Variants in ATP8A2 observed in about 807,000 individuals in gnomAD.
ATP8A2 encodes phospholipid-transporting ATPase IB.
In ATP8A2, 100 loss-of-function variants were observed where a neutral mutation model predicts 165.6. The observed-to-expected ratio is 0.60, with a 90% CI of 0.51 to 0.71. The LOEUF (loss-of-function observed/expected upper bound fraction) is 0.71. Among genes scored for constraint, ATP8A2 ranks in the 30% least tolerant of loss-of-function variants. The pLI, the probability that ATP8A2 is intolerant of heterozygous loss-of-function variation, is 0.00. For missense variants in ATP8A2, 1,227 were observed against 1,479.5 expected (o/e 0.83, Z 2.80); for synonymous variants, 543 against 548.8 (o/e 0.99, Z 0.15).
intron 1 of ATP8A2, among the ~76,000 whole-genome samples, chr13:25,407,365 G>GT (rs1198987991): frequency 6.6e-6 from 1 of 152,084 alleles, no homozygotes; most frequent in African/African-American, 2.4e-5. Flanking sequence ...TTCCTCACTA[G>GT]TAAAAGTTAA....
At chr13:25,382,534 A>AT (rs1196271967) in intron 1 of ATP8A2, among the ~76,000 whole-genome samples, 2 of 152,106 alleles carry the variant, frequency 1.3e-5, no homozygotes, top group African/African-American at 4.8e-5. Context: ...TGGCTGTACC[A>AT]TTTTGCATCC....
intron 11 of ATP8A2, 46 bp from the exon 12 acceptor site, chr13:25,553,747 A>G (rs986474079): frequency 6.3e-7 from 1 of 1,578,886 alleles, no homozygotes; most frequent in East Asian, 2.2e-5. Context: ...GAGCCAATAG[A>G]CTTTGGTTGT....
intron 15 of ATP8A2, 61 bp from the exon 16 acceptor site, chr13:25,563,895 G>T: frequency 8.3e-7 from 1 of 1,199,856 alleles, no homozygotes; most frequent in Non-Finnish European, 1.2e-6. Flanking sequence ...TTCTTTCCAG[G>T]TTTGGGTTAG....
chr13:25,444,619 A>G (rs1566137768), intron 1 of ATP8A2, among the ~76,000 whole-genome samples: 1 of 151,908 alleles, frequency 6.6e-6, no homozygotes, highest in Non-Finnish European at 1.5e-5. Flanking sequence ...CTAATGAGTA[A>G]TGATATCAAG....
intron 24 of ATP8A2, among the ~76,000 whole-genome samples, chr13:25,676,437 C>T (rs2042373812): frequency 6.6e-6 from 1 of 152,108 alleles, no homozygotes; most frequent in Admixed American, 6.5e-5. Context: ...CAGGTCATCT[C>T]AGGGGTCTGC....
At chr13:25,721,549 T>C (rs888407345) in intron 25 of ATP8A2, among the ~76,000 whole-genome samples, 7 of 152,234 alleles carry the variant, frequency 4.6e-5, no homozygotes, top group African/African-American at 1.7e-4. Context: ...CCCGAGTATG[T>C]ACAGCTGTTA....
intron 33 of ATP8A2, among the ~76,000 whole-genome samples, chr13:25,907,799 CT>C: frequency 6.6e-6 from 1 of 152,286 alleles, no homozygotes; most frequent in East Asian, 1.9e-4. Context: ...AGGCTAGGCC[CT>C]TGTGCTTTTA....
chr13:25,406,345 GT>G (rs941578143), intron 1 of ATP8A2, among the ~76,000 whole-genome samples: 19 of 152,192 alleles, frequency 1.2e-4, no homozygotes, highest in African/African-American at 4.6e-4. Flanking sequence ...ATAACATAAG[GT>G]TGCTTTGACC....
chr13:25,581,815 G>A lies in ATP8A2; in HGVS notation c.2008-4G>A. ...CTTTAACTGAGGATATTTTTTCAAT[G>A]TAGAATTTGCTGCTACTTGGAGCCA... On this transcript the variant is annotated splice_region_variant and splice_polypyrimidine_tract_variant and intron_variant, in intron 22 of 36. Coordinates refer to ENST00000381655, the MANE Select transcript of ATP8A2 (RefSeq NM_016529.6). 1 of 1,612,892 alleles carries A rather than the reference G, an allele frequency of 6.2e-7. No homozygotes were observed. Among genetic ancestry groups the A allele is most frequent in the South Asian group, 1.1e-5 (1 of 90,790 alleles).
In ATP8A2 at chr13:25,743,982, A is replaced by C. The variant is rs569474235; in HGVS notation, c.2385-25064A>C. On this transcript the variant is annotated intron_variant, in intron 25 of 36. Coordinates refer to ENST00000381655, the MANE Select transcript of ATP8A2 (RefSeq NM_016529.6). ...GTCAGTTAATCCTATGACTACATCTACTACTTATGAAAGAAGTATGTACTG... is the reference window on the plus strand; with the variant it reads ...GTCAGTTAATCCTATGACTACATCTCCTACTTATGAAAGAAGTATGTACTG... Among the ~76,000 whole-genome samples the C allele has an allele frequency of 2.0e-5, 3 of 152,340 alleles. No homozygotes were observed. In the South Asian group the frequency reaches 6.2e-4, roughly 32 times the overall value.
At chr13:25,733,997 A>G (rs552116488) in intron 25 of ATP8A2, among the ~76,000 whole-genome samples, 28 of 152,266 alleles carry the variant, frequency 1.8e-4, no homozygotes, top group Non-Finnish European at 2.1e-4. Flanking sequence ...CTTTTGTAAA[A>G]ATGACCTTTT....
chr13:25,775,001 T>C, intron 27 of ATP8A2, 42 bp downstream of exon 27: 5 of 1,128,566 alleles, frequency 4.4e-6, no homozygotes, highest in Non-Finnish European at 6.7e-6. Flanking sequence ...AAAGTTCTTT[T>C]AAGAGGATAT....
At chr13:25,415,058 G>A (rs935540163) in intron 1 of ATP8A2, among the ~76,000 whole-genome samples, 6 of 152,150 alleles carry the variant, frequency 3.9e-5, no homozygotes, top group Admixed American at 2.0e-4. Context: ...GAAAAGTGGC[G>A]TTGAAAGCCA....
intron 1 of ATP8A2, among the ~76,000 whole-genome samples, chr13:25,386,103 A>T (rs1593237275): frequency 6.6e-6 from 1 of 152,060 alleles, no homozygotes; most frequent in East Asian, 1.9e-4. Flanking sequence ...TTTAGTAGAG[A>T]TGGGGTTTCA....
At chr13:25,419,545 C>G (rs948831943) in intron 1 of ATP8A2, among the ~76,000 whole-genome samples, 1 of 152,142 alleles carries the variant, frequency 6.6e-6, no homozygotes, top group Non-Finnish European at 1.5e-5. Context: ...TAATGCCCAA[C>G]GCACTTACTC....
chr13:25,396,124 G>A (rs1378344775), intron 1 of ATP8A2, among the ~76,000 whole-genome samples: 10 of 152,188 alleles, frequency 6.6e-5, no homozygotes, highest in South Asian at 2.1e-4. Flanking sequence ...TTACAGGTGT[G>A]AGCCACCACG....
chr13:25,472,659 T>G (rs1169004040), intron 2 of ATP8A2, among the ~76,000 whole-genome samples: 1 of 152,216 alleles, frequency 6.6e-6, no homozygotes, highest in South Asian at 2.1e-4. Context: ...AATGGTTTTC[T>G]TAGAGGCAGG....
intron 2 of ATP8A2, among the ~76,000 whole-genome samples, chr13:25,473,797 A>G (rs896954270): frequency 6.6e-6 from 1 of 152,220 alleles, no homozygotes; most frequent in African/African-American, 2.4e-5. Context: ...AATGCTTACA[A>G]AAGCTCACTA....
chr13:25,822,264 G>A (rs1402712968), intron 27 of ATP8A2, among the ~76,000 whole-genome samples: 2 of 152,024 alleles, frequency 1.3e-5, no homozygotes, highest in African/African-American at 4.8e-5. Context: ...GTGTGGCATT[G>A]TTTTCCAAAT....
Sources: allele counts gnomAD v4.1 joint callset (sites outside exome capture counted in the v4.1 genomes callset), GRCh38; gene constraint gnomAD v4.1.1; transcripts MANE v1.5; gene names NCBI Gene and HGNC (gene_info 2026-07-23, HGNC 2026-07-21).